FBXL7: variants seen among roughly 807,000 people sequenced by gnomAD.
The protein encoded by FBXL7 is F-box/LRR-repeat protein 7.
Under a neutral mutation model 38.3 loss-of-function variants are expected in FBXL7, and 12 were observed. The ratio of observed to expected loss-of-function variants is 0.31; its 90% CI spans 0.20 to 0.51. FBXL7 has a LOEUF of 0.51. Ranked by LOEUF, FBXL7 falls within the 20% of genes least tolerant of loss-of-function variation. The probability of loss-of-function intolerance (pLI) is 0.98; values close to 1 mark genes in which losing one functional copy is unlikely to be tolerated. For synonymous variants in FBXL7, 297 were observed against 300.9 expected (o/e 0.99, Z 0.13); for missense variants, 567 against 676.4 (o/e 0.84, Z 1.79).
At chr5:15,619,407 C>T (rs966698415) in intron 2 of FBXL7, among the ~76,000 whole-genome samples, 2 of 152,180 alleles carry the variant, frequency 1.3e-5, no homozygotes, top group Non-Finnish European at 2.9e-5. Context: ...GGGAAGCCGT[C>T]TCCTGCCCTG....
At chr5:15,511,239 C>T (rs1041729223) in intron 1 of FBXL7, among the ~76,000 whole-genome samples, 1 of 152,194 alleles carries the variant, frequency 6.6e-6, no homozygotes, top group African/African-American at 2.4e-5. Flanking sequence ...AATCTGCTGA[C>T]AAATTGGCAG....
intron 2 of FBXL7, among the ~76,000 whole-genome samples, chr5:15,738,050 T>C (rs1019994201): frequency 6.6e-6 from 1 of 152,178 alleles, no homozygotes; most frequent in Non-Finnish European, 1.5e-5. Context: ...CTCCCAGGAC[T>C]GGTGCCAATG....
chr5:15,504,083 A>G (rs1736576031), intron 1 of FBXL7, among the ~76,000 whole-genome samples: 1 of 152,234 alleles, frequency 6.6e-6, no homozygotes, highest in Admixed American at 6.5e-5. Flanking sequence ...CTACTCCATC[A>G]TTTATCACGT....
chr5:15,593,802 A>G (rs1459051531), intron 1 of FBXL7, among the ~76,000 whole-genome samples: 1 of 152,086 alleles, frequency 6.6e-6, no homozygotes, highest in Non-Finnish European at 1.5e-5. Context: ...GCAACTCACT[A>G]TGGATGGCAC....
At chr5:15,935,743 C>A (rs1742165064) in intron 3 of FBXL7, among the ~76,000 whole-genome samples, 1 of 152,278 alleles carries the variant, frequency 6.6e-6, no homozygotes, top group Non-Finnish European at 1.5e-5. Context: ...GGTCACCTTG[C>A]TAGACTAATA....
chr5:15,657,959 C>T (rs545706899), intron 2 of FBXL7, among the ~76,000 whole-genome samples: 15 of 152,216 alleles, frequency 9.9e-5, no homozygotes, highest in Middle Eastern at 3.4e-3. Context: ...AGGTGGAAGC[C>T]GGAAATCCAC....
chr5:15,579,671 GTTC>G (rs1739075230), intron 1 of FBXL7, among the ~76,000 whole-genome samples: 1 of 152,078 alleles, frequency 6.6e-6, no homozygotes, highest in African/African-American at 2.4e-5. Context: ...ATCTCTTTCA[GTTC>G]TTGTGGGTCA....
chr5:15,652,168 T>C (rs1212077153), intron 2 of FBXL7, among the ~76,000 whole-genome samples: 1 of 152,246 alleles, frequency 6.6e-6, no homozygotes, highest in African/African-American at 2.4e-5. Flanking sequence ...TTTGATCTTC[T>C]CTTAAGACCA....
chr5:15,665,098 CT>C (rs1742226598), intron 2 of FBXL7, among the ~76,000 whole-genome samples: 2 of 152,016 alleles, frequency 1.3e-5, no homozygotes, highest in African/African-American at 2.4e-5. Context: ...TGCCTTAAGC[CT>C]TATGCTTTTA....
chr5:15,853,163 C>T (rs1739151706), intron 2 of FBXL7, among the ~76,000 whole-genome samples: 1 of 152,132 alleles, frequency 6.6e-6, no homozygotes, highest in African/African-American at 2.4e-5. Flanking sequence ...CCAGAGTCCA[C>T]ACTCAGAATC....
chr5:15,807,852 T>G (rs1240118930), intron 2 of FBXL7, among the ~76,000 whole-genome samples: 1 of 152,132 alleles, frequency 6.6e-6, no homozygotes, highest in African/African-American at 2.4e-5. Flanking sequence ...TGCCAGTGGT[T>G]ACAAGTAAGT....
chr5:15,580,625 C>G, intron 1 of FBXL7: 1 of 985,422 alleles, frequency 1.0e-6, no homozygotes, highest in South Asian at 4.7e-5. Flanking sequence ...GGCAGATCCA[C>G]AAGCCATGCT....
chr5:15,875,583 A>G lies in FBXL7; in HGVS notation c.128-52307A>G, dbSNP rs191747246. ...AAAAAAACAAAAAACCCCATCAAAA[A>G]TTGGGCAGAGTATATGAACAGACAC... On this transcript the variant is annotated intron_variant, in intron 2 of 3. Transcript: ENST00000504595. Among the ~76,000 whole-genome samples the G allele has an allele frequency of 2.4e-3, 359 of 152,286 alleles. 2 individuals are homozygous for G. The highest frequency in any genetic ancestry group is 8.3e-3 in the African/African-American group (346 of 41,562).
intron 2 of FBXL7, among the ~76,000 whole-genome samples, chr5:15,806,165 C>G (rs1561133591): frequency 6.6e-6 from 1 of 152,142 alleles, no homozygotes. Flanking sequence ...TAAAACTTAA[C>G]TCTTTTGTTA....
chr5:15,687,453 A>G (rs2126617390), intron 2 of FBXL7, among the ~76,000 whole-genome samples: 1 of 152,338 alleles, frequency 6.6e-6, no homozygotes, highest in South Asian at 2.1e-4. Context: ...AAAGAGGCCC[A>G]CATGCACTCA....
chr5:15,622,958 G>A (rs1300336741), intron 2 of FBXL7, among the ~76,000 whole-genome samples: 12 of 152,268 alleles, frequency 7.9e-5, no homozygotes, highest in African/African-American at 2.6e-4. Flanking sequence ...CCCCACTTTG[G>A]CTTCCCAAAG....
rs539745338 is a variant in FBXL7, at chr5:15,731,469, C to T, written c.127+115397C>T. Among the ~76,000 whole-genome samples the T allele has an allele frequency of 9.9e-5, 15 of 152,244 alleles. No individual in the cohort carries two copies. In the East Asian group the frequency reaches 2.9e-3, roughly 29 times the overall value. ...CCGCCCCCCATGATTCAGTCATCTC[C>T]CACTGGGGACCTCCCAAAACTCATG... On this transcript the variant is annotated intron_variant, in intron 2 of 3. Coordinates refer to ENST00000504595, the MANE Select transcript of FBXL7 (RefSeq NM_012304.5).
chr5:15,766,704 G>T (rs1305525809), intron 2 of FBXL7, among the ~76,000 whole-genome samples: 1 of 152,200 alleles, frequency 6.6e-6, no homozygotes, highest in Admixed American at 6.5e-5. Context: ...CAAATAGAAA[G>T]AGTAATTCAT....
intron 2 of FBXL7, among the ~76,000 whole-genome samples, chr5:15,858,211 A>T (rs1164859840): frequency 2.7e-5 from 4 of 149,412 alleles, no homozygotes; most frequent in African/African-American, 9.8e-5. Context: ...TATATATTTT[A>T]CATAATATAT....
Sources: allele counts gnomAD v4.1 joint callset (sites outside exome capture counted in the v4.1 genomes callset), GRCh38; gene constraint gnomAD v4.1.1; transcripts MANE v1.5; gene names NCBI Gene and HGNC (gene_info 2026-07-23, HGNC 2026-07-21).